PCBP2: variants seen among roughly 807,000 people sequenced by gnomAD.
PCBP2 encodes poly(rC)-binding protein 2.
A neutral mutation model predicts 50.1 loss-of-function variants in PCBP2; 4 were observed. The ratio of observed to expected loss-of-function variants is 0.08; its 90% CI spans 0.04 to 0.18. The LOEUF is 0.18. Among genes scored for constraint, PCBP2 ranks in the 10% least tolerant of loss-of-function variants. PCBP2 has a pLI of 1.00. For missense variants in PCBP2, 161 were observed against 474.3 expected (o/e 0.34, Z 6.14); for synonymous variants, 179 against 168.0 (o/e 1.07, Z -0.51).
At chr12:53,459,500 T>G in intron 6 of PCBP2, 97 bp downstream of exon 6, 2 of 1,058,508 alleles carry the variant, frequency 1.9e-6, no homozygotes, top group Admixed American at 2.2e-5. Flanking sequence ...ATGAAGATTT[T>G]TATTGAAGTA....
intron 5 of PCBP2, 114 bp from the exon 6 acceptor site, chr12:53,459,158 T>C: frequency 1.2e-6 from 1 of 808,634 alleles, no homozygotes; most frequent in Non-Finnish European, 1.8e-6. Flanking sequence ...TATGGTGGAT[T>C]ATGACCTCGC....
rs1391962645 is a variant in PCBP2, at chr12:53,479,491, A to G, written c.*49A>G. On this transcript the variant is annotated 3_prime_UTR_variant, in exon 15 of 15. Coordinates refer to ENST00000546463, the MANE Select transcript of PCBP2 (RefSeq NM_031989.5). ...CCCTTTCTGCTGTTCACCACCACCCATGATCCATCTGTGTAGTTTCTGAAC... is the reference window on the plus strand; with the variant it reads ...CCCTTTCTGCTGTTCACCACCACCCGTGATCCATCTGTGTAGTTTCTGAAC... 3 of 1,532,580 alleles carry G rather than the reference A, an allele frequency of 2.0e-6. No homozygotes were observed. Among genetic ancestry groups the G allele is most frequent in the Admixed American group, 1.7e-5 (1 of 59,854 alleles). The allele number at this position is 1,532,580 out of a possible 1,614,324, so 94.9% of individuals were successfully genotyped here. A position where few individuals can be genotyped will look rare whatever the true frequency, so the allele number is the denominator to read the frequency against.
At chr12:53,465,059 AT>A (rs952108319) in intron 9 of PCBP2, 604 of 384,348 alleles carry the variant, frequency 1.6e-3, no homozygotes, top group Middle Eastern at 2.8e-3. Flanking sequence ...TTTTTTTTTA[AT>A]TTTTTTTTTG....
rs140915935 is a variant in PCBP2, at chr12:53,456,287, G to A, written c.243+286G>A. On this transcript the variant is annotated intron_variant, in intron 5 of 14. Transcript: ENST00000546463. ...TTCGAGACCAACATAGTGAAACCTC[G>A]TCTCTACTAAAAATACAAGAATTAG... is the stretch of plus-strand genomic sequence containing the variant. Among the ~76,000 whole-genome samples the A allele has an allele frequency of 7.1e-3, 1,082 of 152,062 alleles. 15 individuals carry two copies. Among genetic ancestry groups the A allele is most frequent in the East Asian group, 0.061 (318 of 5,176 alleles).
intron 13 of PCBP2, among the ~76,000 whole-genome samples, chr12:53,469,076 A>G (rs1190280819): frequency 6.6e-6 from 1 of 151,614 alleles, no homozygotes; most frequent in African/African-American, 2.4e-5. Flanking sequence ...CTAATTTTGT[A>G]TTTTTAGTAG....
intron 8 of PCBP2, among the ~76,000 whole-genome samples, chr12:53,463,213 C>A (rs1283577486): frequency 6.6e-6 from 1 of 152,154 alleles, no homozygotes; most frequent in Non-Finnish European, 1.5e-5. Flanking sequence ...CAAAGCACCA[C>A]CGTGGCCTCT....
At chr12:53,459,523 G>A (rs1373821617) in intron 6 of PCBP2, 120 bp downstream of exon 6, 1 of 735,884 alleles carries the variant, frequency 1.4e-6, no homozygotes, top group Non-Finnish European at 2.1e-6. Flanking sequence ...AGTTCTAGAG[G>A]ATTACAATGT....
At chr12:53,475,379 TTTAGGC>T (rs1425734614) in intron 14 of PCBP2, 1 of 349,092 alleles carries the variant, frequency 2.9e-6, no homozygotes, top group East Asian at 7.6e-5. Flanking sequence ...CTTGTTTAGG[TTTAGGC>T]CATTTCAGCT....
intron 11 of PCBP2, 65 bp downstream of exon 11, chr12:53,467,358 T>G: frequency 7.7e-7 from 1 of 1,294,030 alleles, no homozygotes; most frequent in Non-Finnish European, 1.1e-6. Context: ...TCCCAAGGTC[T>G]CAGCTTGACA....
At chr12:53,459,048 A>G (rs1941254398) in intron 5 of PCBP2, among the ~76,000 whole-genome samples, 1 of 151,950 alleles carries the variant, frequency 6.6e-6, no homozygotes, top group Admixed American at 6.5e-5. Flanking sequence ...TTCAGGGTGA[A>G]GGAAAATATA....
chr12:53,461,795 T>C (rs1941465560), intron 7 of PCBP2, among the ~76,000 whole-genome samples: 1 of 152,164 alleles, frequency 6.6e-6, no homozygotes. Flanking sequence ...CTGCAACCTC[T>C]GCCTATCAGG....
chr12:53,452,651 G>C (rs1940639261), intron 1 of PCBP2, among the ~76,000 whole-genome samples: 1 of 151,672 alleles, frequency 6.6e-6, no homozygotes, highest in Non-Finnish European at 1.5e-5. Context: ...GGTAGGGGGG[G>C]CGGCGGTGGA....
At position 53,479,915 on chromosome 12, in the gene PCBP2, G is replaced by A. The variant is rs1055768202; in HGVS notation, c.*473G>A. Reference sequence around the variant, plus strand: ...AAAGGACCCTTCTTGGGTTTTGAATGGAAGCCTTTATTCCGGTTAAGATGT... The same window carrying A: ...AAAGGACCCTTCTTGGGTTTTGAATAGAAGCCTTTATTCCGGTTAAGATGT... On this transcript the variant is annotated 3_prime_UTR_variant, in exon 15 of 15. Transcript: ENST00000546463. 1.3e-5 allele frequency: 2 copies of A among 152,312 alleles called. No individual in the cohort carries two copies. The highest frequency in any genetic ancestry group is 4.8e-5 in the African/African-American group (2 of 41,376). 9.4% of individuals were successfully genotyped at this position (152,312 alleles called of 1,614,324 possible).
At chr12:53,465,534 A>T (rs763383709) in intron 9 of PCBP2, among the ~76,000 whole-genome samples, 8 of 152,180 alleles carry the variant, frequency 5.3e-5, no homozygotes, top group Non-Finnish European at 8.8e-5. Flanking sequence ...CCACATCACC[A>T]CAATTGGTAG....
chr12:53,468,936 T>TA lies in PCBP2; in HGVS notation c.882+107dup, dbSNP rs1555207681. On this transcript the variant is annotated intron_variant, in intron 13 of 14. Transcript: ENST00000546463. The stretch of plus-strand genomic sequence containing the variant: ...GCTACCCTTTTTTTTTTTTTTTTTT[T>TA]AAACAGCCCAGGCTGTAGTGCAGTG... 1.9e-4 allele frequency: 164 copies of TA among 852,382 alleles called. 1 individual carries two copies. The highest frequency in any genetic ancestry group is 2.7e-4 in the Non-Finnish European group (146 of 543,382). 52.8% of individuals were successfully genotyped at this position (852,382 alleles called of 1,614,324 possible).
chr12:53,454,786 A>G lies in PCBP2; in HGVS notation c.-15A>G. The G allele has an allele frequency of 6.2e-7, 1 of 1,613,368 alleles. No homozygotes were observed. The highest frequency in any genetic ancestry group is 1.7e-4 in the Middle Eastern group (1 of 6,038). ...TTGACCACTCAAAGTCCAGCTCCCC[A>G]GAACACTGCTCGACATGGACACCGG... On this transcript the variant is annotated 5_prime_UTR_variant, in exon 2 of 15. Transcript: ENST00000546463.
At chr12:53,468,105 G>C in intron 12 of PCBP2, 1 of 436,672 alleles carries the variant, frequency 2.3e-6, no homozygotes. Context: ...TTCAGTCCAG[G>C]TGTTGTTAAA....
In PCBP2 at chr12:53,467,822, C is replaced by G. The variant is rs757334006; in HGVS notation, c.805C>G (p.Pro269Ala). The G allele has an allele frequency of 6.2e-7, 1 of 1,612,370 alleles. No homozygotes were observed. Among genetic ancestry groups the G allele is most frequent in the South Asian group, 1.1e-5 (1 of 91,020 alleles). ...CTTAACAGGCATTGAATCCAGCTCT[C>G]CAGAGGTGAAAGGCTATTGGGGTAA... ...TGFSGIESSSPEVKGYWAGLD... is the reference protein window; with the variant it reads ...TGFSGIESSSAEVKGYWAGLD... Residue 269 changes from proline to alanine, a missense_variant, in exon 12 of 15, where the codon CCA becomes GCA. By Grantham distance (27) the Pro-to-Ala change is conservative. Coordinates refer to ENST00000546463, the MANE Select transcript of PCBP2 (RefSeq NM_031989.5).
intron 5 of PCBP2, among the ~76,000 whole-genome samples, chr12:53,457,062 T>A (rs117510769): frequency 0.047 from 7,126 of 152,218 alleles, 303 homozygotes; most frequent in South Asian, 0.18. Context: ...TAACTTTTTT[T>A]TTTCTTTTGA....
Sources: allele counts gnomAD v4.1 joint callset (sites outside exome capture counted in the v4.1 genomes callset), GRCh38; gene constraint gnomAD v4.1.1; transcripts MANE v1.5; gene names NCBI Gene and HGNC (gene_info 2026-07-23, HGNC 2026-07-21).